The following INSYN2B variants were observed in gnomAD, a reference collection of about 807,000 sequenced individuals.
The protein encoded by INSYN2B is protein INSYN2B.
INSYN2B carries 16 observed loss-of-function variants against 41.2 expected under a neutral mutation model. That is an observed-to-expected ratio of 0.39 (90% CI 0.26 to 0.59). INSYN2B has a LOEUF of 0.59. INSYN2B is among the 20% of genes least tolerant of loss of function. The probability of loss-of-function intolerance (pLI) is 0.57; values close to 1 mark genes in which losing one functional copy is unlikely to be tolerated. For synonymous variants in INSYN2B, 245 were observed against 244.4 expected, an observed-to-expected ratio of 1.00 and a Z score of -0.02; for missense variants, 608 against 646.4, an observed-to-expected ratio of 0.94 and a Z score of 0.64.
At position 169,927,428 on chromosome 5, in the gene INSYN2B, A is replaced by T. The variant is rs150906546; in HGVS notation, c.-918-42612T>A. ...TCTAATAAGTTTGCATGTGGTGCCGATGCTACTGGGCCAGAGACCAGACTT... is the reference window on the plus strand; with the variant it reads ...TCTAATAAGTTTGCATGTGGTGCCGTTGCTACTGGGCCAGAGACCAGACTT... On this transcript the variant is annotated intron_variant, in intron 1 of 3. Transcript: ENST00000377365. Among the ~76,000 whole-genome samples, 4 of 152,296 alleles carry T rather than the reference A, an allele frequency of 2.6e-5. No homozygotes were observed. In the East Asian group the frequency reaches 7.7e-4, roughly 29 times the overall value.
chr5:169,925,502 C>G (rs779354268), intron 1 of INSYN2B, among the ~76,000 whole-genome samples: 1 of 149,052 alleles, frequency 6.7e-6, no homozygotes, highest in Non-Finnish European at 1.5e-5. Flanking sequence ...ATCGCTTGAA[C>G]CCAGGAGGTG....
chr5:169,865,419 G>C (rs201661626), intron 3 of INSYN2B, among the ~76,000 whole-genome samples: 2 of 152,122 alleles, frequency 1.3e-5, no homozygotes, highest in Non-Finnish European at 2.9e-5. Flanking sequence ...AGACCTCAGG[G>C]ACTCTCAGCC....
chr5:169,867,993 T>C (rs1771699952), intron 3 of INSYN2B, among the ~76,000 whole-genome samples: 3 of 152,218 alleles, frequency 2.0e-5, no homozygotes, highest in South Asian at 2.1e-4. Context: ...ACAATGCTCC[T>C]AGCTCCTGAA....
Position 169,875,349 on chromosome 5 carries a change from C to T in INSYN2B, c.1421+6019G>A, listed in dbSNP as rs373089644. On this transcript the variant is annotated intron_variant, in intron 3 of 3. Coordinates refer to ENST00000377365, the MANE Select transcript of INSYN2B (RefSeq NM_001129891.3). ...AGGAGGTTCCGATGCAGATGGTCCA[C>T]GACCACGCTTTGGGAGCACTGTCTA... 9.9e-4 allele frequency: 452 copies of T among 456,488 alleles called. 1 individual carries two copies. The highest frequency in any genetic ancestry group is 7.4e-3 in the African/African-American group (371 of 50,168). 28.3% of individuals were successfully genotyped at this position (456,488 alleles called of 1,614,324 possible). A position where few individuals can be genotyped will look rare whatever the true frequency, so the allele number is the denominator to read the frequency against.
At position 169,950,032 on chromosome 5, in the gene INSYN2B, T is replaced by G. The variant is rs368406048; in HGVS notation, c.-919+30245A>C. ...GTTCTGCGTTTGAGGGGATCACAGATGCTTCCCACTGAGGGATCCAGTGCC... is the reference window on the plus strand; with the variant it reads ...GTTCTGCGTTTGAGGGGATCACAGAGGCTTCCCACTGAGGGATCCAGTGCC... On this transcript the variant is annotated intron_variant, in intron 1 of 3. Coordinates refer to ENST00000377365, the MANE Select transcript of INSYN2B (RefSeq NM_001129891.3). Among the ~76,000 whole-genome samples, 279 of 152,334 alleles carry G rather than the reference T, an allele frequency of 1.8e-3. 6 individuals carry two copies. In the South Asian group the frequency reaches 0.048, roughly 26 times the overall value.
At chr5:169,972,233 G>A (rs1207467003) in intron 1 of INSYN2B, among the ~76,000 whole-genome samples, 2 of 152,070 alleles carry the variant, frequency 1.3e-5, no homozygotes, top group Non-Finnish European at 2.9e-5. Context: ...CTCATAGATT[G>A]TTCCTGCTTA....
intron 1 of INSYN2B, among the ~76,000 whole-genome samples, chr5:169,933,912 C>A (rs997371163): frequency 2.0e-5 from 3 of 152,248 alleles, no homozygotes; most frequent in African/African-American, 7.2e-5. Flanking sequence ...GAACAAACTA[C>A]TGGTGTCGCC....
intron 1 of INSYN2B, among the ~76,000 whole-genome samples, chr5:169,948,508 C>T (rs369460241): frequency 6.6e-6 from 1 of 152,052 alleles, no homozygotes; most frequent in Non-Finnish European, 1.5e-5. Context: ...TATCATCTAC[C>T]TACACACACA....
chr5:169,893,235 A>C (rs1372460365), intron 1 of INSYN2B, among the ~76,000 whole-genome samples: 1 of 152,162 alleles, frequency 6.6e-6, no homozygotes, highest in African/African-American at 2.4e-5. Context: ...AGCCAGAGGC[A>C]TTGGCTGCTG....
chr5:169,930,411 G>A (rs1775694381), intron 1 of INSYN2B, among the ~76,000 whole-genome samples: 1 of 152,202 alleles, frequency 6.6e-6, no homozygotes, highest in African/African-American at 2.4e-5. Context: ...GGACCTCAGA[G>A]CCTCTTAGGG....
chr5:169,872,790 T>G (rs921684337), intron 3 of INSYN2B, among the ~76,000 whole-genome samples: 27 of 152,208 alleles, frequency 1.8e-4, no homozygotes, highest in African/African-American at 4.3e-4. Context: ...GACCTAGTTT[T>G]GAGCCCTGGC....
At chr5:169,873,743 T>A (rs998633131) in intron 3 of INSYN2B, among the ~76,000 whole-genome samples, 1 of 152,212 alleles carries the variant, frequency 6.6e-6, no homozygotes, top group East Asian at 1.9e-4. Context: ...GGTAATAGCT[T>A]TGAGTGGCAG....
At chr5:169,973,627 C>T (rs567161818) in intron 1 of INSYN2B, among the ~76,000 whole-genome samples, 15 of 152,200 alleles carry the variant, frequency 9.9e-5, no homozygotes, top group Non-Finnish European at 1.6e-4. Flanking sequence ...CAGTGCCTGC[C>T]GGAAAAGCTA....
rs963266804 is a variant in INSYN2B, at chr5:169,861,700, G to A, written c.*2573C>T. Among the ~76,000 whole-genome samples, 1 of 152,204 alleles carries A rather than the reference G, an allele frequency of 6.6e-6. No individual in the cohort carries two copies. The highest frequency in any genetic ancestry group is 1.5e-5 in the Non-Finnish European group (1 of 68,034). ...GAGTATGCAGTTTTGGTATATGTGTGTGTGGTGTTTTAAACATAGAGACGA... is the reference window on the plus strand; with the variant it reads ...GAGTATGCAGTTTTGGTATATGTGTATGTGGTGTTTTAAACATAGAGACGA... On this transcript the variant is annotated 3_prime_UTR_variant, in exon 4 of 4. Transcript: ENST00000377365.
intron 1 of INSYN2B, among the ~76,000 whole-genome samples, chr5:169,889,732 A>G (rs1360696577): frequency 1.3e-5 from 2 of 152,274 alleles, no homozygotes; most frequent in African/African-American, 4.8e-5. Context: ...GAAATAAGTC[A>G]TAGACAATAT....
intron 1 of INSYN2B, among the ~76,000 whole-genome samples, chr5:169,963,309 C>T (rs1422821875): frequency 6.6e-6 from 1 of 152,158 alleles, no homozygotes; most frequent in Non-Finnish European, 1.5e-5. Context: ...ATCCAACCCA[C>T]AGCAGCCCTG....
chr5:169,882,641 C>T lies in INSYN2B; in HGVS notation c.1258G>A (p.Glu420Lys). 1.9e-6 allele frequency: 3 copies of T among 1,552,048 alleles called. No individual in the cohort carries two copies. Among genetic ancestry groups the T allele is most frequent in the Non-Finnish European group, 2.6e-6 (3 of 1,147,022 alleles). ...CDLQGRLQSV[E>K]ESLHSNQEKI... ...TCTTGGTTCGAGTGCAGAGATTCCT[C>T]CACAGATTGCAGTCGGCCTTGGAGG... is the stretch of plus-strand genomic sequence containing the variant. Residue 420 changes from glutamate to lysine, a missense_variant, in exon 2 of 4, where the codon GAG becomes AAG. By Grantham distance (56) the Glu-to-Lys change is moderately conservative (BLOSUM62 1). Coordinates refer to ENST00000377365, the MANE Select transcript of INSYN2B (RefSeq NM_001129891.3).
intron 3 of INSYN2B, among the ~76,000 whole-genome samples, chr5:169,867,117 C>A (rs756848405): frequency 2.0e-5 from 3 of 152,214 alleles, no homozygotes; most frequent in Non-Finnish European, 2.9e-5. Context: ...ACTGGTGTAT[C>A]ATAAAGGATA....
intron 1 of INSYN2B, among the ~76,000 whole-genome samples, chr5:169,949,334 C>G (rs1009447955): frequency 1.3e-5 from 2 of 152,102 alleles, no homozygotes; most frequent in African/African-American, 4.8e-5. Context: ...TAAATAGAGG[C>G]ACCTGGGAAG....
Sources: allele counts gnomAD v4.1 joint callset (sites outside exome capture counted in the v4.1 genomes callset), GRCh38; gene constraint gnomAD v4.1.1; transcripts MANE v1.5; gene names NCBI Gene and HGNC (gene_info 2026-07-23, HGNC 2026-07-21).